The following RASSF8 variants were observed in gnomAD, a reference collection of about 807,000 sequenced individuals.
The protein encoded by RASSF8 is ras association domain-containing protein 8.
Under a neutral mutation model 48.5 loss-of-function variants are expected in RASSF8, and 22 were observed. The ratio of observed to expected loss-of-function variants is 0.45; its 90% CI spans 0.32 to 0.65. RASSF8 has a LOEUF of 0.65. Among genes scored for constraint, RASSF8 ranks in the 30% least tolerant of loss-of-function variants. The probability of loss-of-function intolerance (pLI) is 0.03; values close to 1 mark genes in which losing one functional copy is unlikely to be tolerated. For missense variants in RASSF8, 418 were observed against 489.2 expected (o/e 0.85, Z 1.37); for synonymous variants, 127 against 171.5 (o/e 0.74, Z 2.03).
chr12:25,980,278 G>A (rs1941709103), intron 1 of RASSF8, among the ~76,000 whole-genome samples: 1 of 152,084 alleles, frequency 6.6e-6, no homozygotes, highest in African/African-American at 2.4e-5. Context: ...TTGTATATTT[G>A]CTTTAGAGTT....
intron 2 of RASSF8, among the ~76,000 whole-genome samples, chr12:26,031,205 A>T (rs1191462209): frequency 2.0e-5 from 3 of 151,996 alleles, no homozygotes; most frequent in African/African-American, 7.2e-5. Flanking sequence ...TTGAGGTATT[A>T]TGAGGGTTTG....
chr12:25,980,790 A>G lies in RASSF8; in HGVS notation c.-202-14247A>G, dbSNP rs79928670. 6.2e-3 allele frequency among the ~76,000 whole-genome samples: 946 copies of G among 152,240 alleles called. 16 individuals are homozygous for G. The highest frequency in any genetic ancestry group is 0.022 in the African/African-American group (899 of 41,536). On this transcript the variant is annotated intron_variant, in intron 1 of 5. Transcript: ENST00000689635. The stretch of plus-strand genomic sequence containing the variant: ...GAATAATTTAAAAATCACTCTAATT[A>G]AAAAAAATTCATGGAATGAGATATT...
chr12:26,056,514 G>T (rs561322354), intron 3 of RASSF8, among the ~76,000 whole-genome samples: 1 of 152,096 alleles, frequency 6.6e-6, no homozygotes, highest in Non-Finnish European at 1.5e-5. Context: ...TTTATGTCTC[G>T]CCAGTTTATA....
chr12:25,964,304 T>TA (rs1315075412), intron 1 of RASSF8, among the ~76,000 whole-genome samples: 1 of 150,272 alleles, frequency 6.7e-6, no homozygotes, highest in Non-Finnish European at 1.5e-5. Context: ...TTTTTTTTTT[T>TA]AAATCACATT....
At chr12:26,009,170 T>C (rs58597112) in intron 2 of RASSF8, among the ~76,000 whole-genome samples, 16,161 of 152,246 alleles carry the variant, frequency 0.11, 936 homozygotes, top group African/African-American at 0.15. Context: ...GATAAGGGAC[T>C]ATCTGGGCTG....
At chr12:26,079,193 G>T in exon 6 of RASSF8, 6 of 640,188 alleles carry the variant, frequency 9.4e-6, no homozygotes, top group Non-Finnish European at 1.5e-5. Flanking sequence ...ACTGTAGATT[G>T]GGAGAAAATA....
chr12:25,967,132 A>G (rs567413397), intron 1 of RASSF8, among the ~76,000 whole-genome samples: 2 of 152,250 alleles, frequency 1.3e-5, no homozygotes, highest in Non-Finnish European at 2.9e-5. Context: ...ATTGTTAATT[A>G]TCACAGCTGG....
At chr12:26,041,455 G>A (rs563266845) in intron 2 of RASSF8, among the ~76,000 whole-genome samples, 1 of 152,188 alleles carries the variant, frequency 6.6e-6, no homozygotes, top group Admixed American at 6.5e-5. Flanking sequence ...CTGAGTGATT[G>A]TATAACTTGA....
intron 1 of RASSF8, among the ~76,000 whole-genome samples, chr12:25,962,371 G>A (rs917344182): frequency 2.6e-5 from 4 of 152,082 alleles, no homozygotes; most frequent in Non-Finnish European, 4.4e-5. Flanking sequence ...ATCGTCATGC[G>A]AATTAAATGT....
At chr12:26,018,011 T>C (rs958698558) in intron 2 of RASSF8, among the ~76,000 whole-genome samples, 4 of 152,250 alleles carry the variant, frequency 2.6e-5, no homozygotes, top group African/African-American at 9.6e-5. Flanking sequence ...CGTGATTTCA[T>C]TTCTACTGAA....
intron 2 of RASSF8, among the ~76,000 whole-genome samples, chr12:26,003,878 G>A (rs1241046090): frequency 5.9e-5 from 9 of 152,014 alleles, no homozygotes; most frequent in Non-Finnish European, 1.5e-5. Flanking sequence ...TTTTCCATAA[G>A]GATAAATGTA....
intron 5 of RASSF8, among the ~76,000 whole-genome samples, chr12:26,068,276 T>A (rs1943924165): frequency 2.6e-5 from 4 of 152,178 alleles, no homozygotes; most frequent in Non-Finnish European, 5.9e-5. Context: ...TGAAACTACT[T>A]CTTTATTAAA....
intron 1 of RASSF8, among the ~76,000 whole-genome samples, chr12:25,961,760 A>T (rs1387387805): frequency 6.6e-6 from 1 of 152,124 alleles, no homozygotes; most frequent in Non-Finnish European, 1.5e-5. Context: ...TTCAGAATTG[A>T]GCTCTTGGTC....
In RASSF8 at chr12:25,992,522, G is replaced by T. The variant is rs532933064; in HGVS notation, c.-202-2515G>T. Among the ~76,000 whole-genome samples the T allele has an allele frequency of 2.6e-5, 4 of 152,296 alleles. 1 individual carries two copies. Among genetic ancestry groups the T allele is most frequent in the Middle Eastern group, 6.8e-3 (2 of 294 alleles). On this transcript the variant is annotated intron_variant, in intron 1 of 5. Coordinates refer to ENST00000689635, the MANE Select transcript of RASSF8 (RefSeq NM_001394098.1). Reference sequence around the variant, plus strand: ...CCTGGAGTGACTAGTTTTGATAAGGGGAGTTTCCAGGGAGTGATGAGATCA... The same window carrying T: ...CCTGGAGTGACTAGTTTTGATAAGGTGAGTTTCCAGGGAGTGATGAGATCA...
chr12:26,025,324 G>A (rs1037801216), intron 2 of RASSF8, among the ~76,000 whole-genome samples: 4 of 151,950 alleles, frequency 2.6e-5, no homozygotes, highest in Non-Finnish European at 5.9e-5. Context: ...TTGGGAAGCC[G>A]AGGCGGGCAG....
intron 2 of RASSF8, among the ~76,000 whole-genome samples, chr12:26,000,209 G>GA (rs1030389608): frequency 6.6e-6 from 1 of 152,152 alleles, no homozygotes; most frequent in African/African-American, 2.4e-5. Context: ...GAGCAGAATG[G>GA]AAAGCTCAGA....
At chr12:26,010,470 C>G (rs1041097658) in intron 2 of RASSF8, among the ~76,000 whole-genome samples, 1 of 152,132 alleles carries the variant, frequency 6.6e-6, no homozygotes, top group Non-Finnish European at 1.5e-5. Flanking sequence ...CACATGAGAA[C>G]GGAACTCCCA....
At chr12:25,996,149 G>A (rs1942127890) in intron 2 of RASSF8, among the ~76,000 whole-genome samples, 1 of 152,182 alleles carries the variant, frequency 6.6e-6, no homozygotes, top group African/African-American at 2.4e-5. Flanking sequence ...GGCTGCAAAT[G>A]TTGAGAGTCA....
chr12:26,007,276 A>G (rs915327775), intron 2 of RASSF8, among the ~76,000 whole-genome samples: 1 of 152,172 alleles, frequency 6.6e-6, no homozygotes, highest in Non-Finnish European at 1.5e-5. Context: ...AAATTTCAAC[A>G]TAACACCAGA....
Sources: allele counts gnomAD v4.1 joint callset (sites outside exome capture counted in the v4.1 genomes callset), GRCh38; gene constraint gnomAD v4.1.1; transcripts MANE v1.5; gene names NCBI Gene and HGNC (gene_info 2026-07-23, HGNC 2026-07-21).